The following SUMO2 variants were observed in gnomAD, a reference collection of about 807,000 sequenced individuals.
SUMO2 encodes small ubiquitin-related modifier 2.
Under a neutral mutation model 16.0 loss-of-function variants are expected in SUMO2, and 1 was observed. The ratio of observed to expected loss-of-function variants is 0.06; its 90% confidence interval spans 0.02 to 0.30. SUMO2 has a LOEUF of 0.30. SUMO2 is among the 10% of genes least tolerant of loss of function. SUMO2 has a pLI of 1.00. For missense variants in SUMO2, 16 were observed against 117.5 expected (o/e 0.14, Z 3.99); for synonymous variants, 36 against 40.6 (o/e 0.89, Z 0.43).
chr17:75,174,840 A>G lies in SUMO2; in HGVS notation c.154-17T>C, dbSNP rs1002788021. The G allele has an allele frequency of 6.2e-7, 1 of 1,610,088 alleles. No individual in the cohort carries two copies. The highest frequency in any genetic ancestry group is 8.5e-7 in the Non-Finnish European group (1 of 1,178,040). On this transcript the variant is annotated splice_polypyrimidine_tract_variant and intron_variant, in intron 2 of 3. Coordinates refer to ENST00000420826, the MANE Select transcript of SUMO2 (RefSeq NM_006937.4). ...TGACAATCCCTGAACGAGAATTTAA[A>G]AGCAATAAACAGCATTAAGAGAAAC...
intron 3 of SUMO2, among the ~76,000 whole-genome samples, chr17:75,174,434 C>T (rs1216891758): frequency 6.7e-6 from 1 of 149,814 alleles, no homozygotes; most frequent in Non-Finnish European, 1.5e-5. Context: ...CACATTGATT[C>T]GTGCCTATAA....
At chr17:75,174,456 T>G (rs1232047315) in intron 3 of SUMO2, among the ~76,000 whole-genome samples, 3 of 152,170 alleles carry the variant, frequency 2.0e-5, no homozygotes, top group African/African-American at 7.2e-5. Context: ...CCCATCACTT[T>G]GGGAGGCCAA....
intron 2 of SUMO2, among the ~76,000 whole-genome samples, chr17:75,177,544 T>C (rs2074791992): frequency 6.6e-6 from 1 of 151,816 alleles, no homozygotes; most frequent in Non-Finnish European, 1.5e-5. Context: ...TAGCCAGGCG[T>C]GGTGGTGCAT....
At chr17:75,179,702 C>A (rs1412767029) in intron 2 of SUMO2, among the ~76,000 whole-genome samples, 4 of 151,474 alleles carry the variant, frequency 2.6e-5, no homozygotes, top group Non-Finnish European at 4.4e-5. Context: ...CTCTGTCACC[C>A]AGGCTAGAGT....
In SUMO2 at chr17:75,175,343, CAG is replaced by C. The variant is rs1310977033; in HGVS notation, c.154-522_154-521del. 2.7e-5 allele frequency among the ~76,000 whole-genome samples: 4 copies of C among 150,530 alleles called. No homozygotes were observed. The East Asian group carries it at 5.9e-4, about 22-fold the overall frequency. On this transcript the variant is annotated intron_variant, in intron 2 of 3. Transcript: ENST00000420826. ...TTTTCCTTTTCTTTTTTTTTTGAGA[CAG>C]AGTCTTGCTCTGTCACTCAGGCTGG...
intron 1 of SUMO2, among the ~76,000 whole-genome samples, chr17:75,182,193 C>T (rs1422753683): frequency 6.6e-6 from 1 of 152,194 alleles, no homozygotes; most frequent in Non-Finnish European, 1.5e-5. Context: ...GCCGCTGCCC[C>T]TCCCCCTTCG....
At position 75,168,131 on chromosome 17, in the gene SUMO2, T is replaced by TA. The variant is rs34641551; in HGVS notation, c.*207dup. The TA allele has an allele frequency of 0.23, 84,616 of 364,556 alleles. 5,786 individuals are homozygous for TA. Among genetic ancestry groups the TA allele is most frequent in the East Asian group, 0.45 (10,316 of 22,954 alleles). The allele number at this position is 364,556 out of a possible 1,614,324, so 22.6% of individuals were successfully genotyped here. ...CAAAACATACCATTGGCTGTTTAGT[T>TA]AAAAAAAAAAAAAATGCAATATGCT... On this transcript the variant is annotated 3_prime_UTR_variant, in exon 4 of 4. Transcript: ENST00000420826.
intron 2 of SUMO2, among the ~76,000 whole-genome samples, chr17:75,177,945 T>C (rs1186244292): frequency 1.5e-5 from 2 of 135,032 alleles, no homozygotes; most frequent in South Asian, 2.4e-4. Context: ...GCCGAGATTA[T>C]GTCACTACAC....
At chr17:75,169,422 C>T (rs1272892622) in intron 3 of SUMO2, among the ~76,000 whole-genome samples, 8 of 149,904 alleles carry the variant, frequency 5.3e-5, no homozygotes, top group Non-Finnish European at 7.4e-5. Context: ...CTCCCTGTGT[C>T]GCCCAGGCTG....
intron 2 of SUMO2, 137 bp downstream of exon 2, chr17:75,180,917 CACG>C: frequency 3.3e-6 from 3 of 907,564 alleles, no homozygotes; most frequent in Non-Finnish European, 5.0e-6. Flanking sequence ...ATACCAAGTG[CACG>C]ACAAAACTGA....
Position 75,166,597 on chromosome 17 carries a change from T to C in SUMO2, c.*1742A>G, listed in dbSNP as rs2074694876. ...TAAGATCAGGGGTTTGAGCCCGGCC[T>C]GGACAATATGGCGAAACACTCTCTA... On this transcript the variant is annotated 3_prime_UTR_variant, in exon 4 of 4. Transcript: ENST00000420826. The C allele has an allele frequency of 6.6e-6, 1 of 152,222 alleles. No homozygotes were observed. The highest frequency in any genetic ancestry group is 6.5e-5 in the Admixed American group (1 of 15,270). 9.4% of individuals were successfully genotyped at this position (152,222 alleles called of 1,614,324 possible). A position where few individuals can be genotyped will look rare whatever the true frequency, so the allele number is the denominator to read the frequency against.
At chr17:75,168,751 C>T (rs535072674) in intron 3 of SUMO2, among the ~76,000 whole-genome samples, 1 of 152,094 alleles carries the variant, frequency 6.6e-6, no homozygotes, top group East Asian at 1.9e-4. Flanking sequence ...TACAGGCATC[C>T]GCCACCATGC....
At chr17:75,176,776 T>C (rs372175260) in intron 2 of SUMO2, among the ~76,000 whole-genome samples, 15 of 152,176 alleles carry the variant, frequency 9.9e-5, no homozygotes, top group African/African-American at 3.6e-4. Flanking sequence ...CTTCAGGAGA[T>C]ATAGGAACCT....
chr17:75,180,919 C>A (rs1329021894), intron 2 of SUMO2, 138 bp downstream of exon 2: 1 of 962,926 alleles, frequency 1.0e-6, no homozygotes, highest in East Asian at 2.6e-5. Flanking sequence ...ACCAAGTGCA[C>A]GACAAAACTG....
rs960142645 is a variant in SUMO2, at chr17:75,167,353, T to C, written c.*986A>G. 6.6e-6 allele frequency: 1 copy of C among 152,044 alleles called. No homozygotes were observed. Among genetic ancestry groups the C allele is most frequent in the Non-Finnish European group, 1.5e-5 (1 of 68,030 alleles). 9.4% of individuals were successfully genotyped at this position (152,044 alleles called of 1,614,324 possible). Reference sequence around the variant, plus strand: ...TTTTAGGTTAGGGAGTATTTACTTATGATAAGTGCAGGCTAGAATGGTTCA... The same window carrying C: ...TTTTAGGTTAGGGAGTATTTACTTACGATAAGTGCAGGCTAGAATGGTTCA... On this transcript the variant is annotated 3_prime_UTR_variant, in exon 4 of 4. Coordinates refer to ENST00000420826, the MANE Select transcript of SUMO2 (RefSeq NM_006937.4).
In SUMO2 at chr17:75,182,958, A is replaced by AGGGT; in HGVS notation, c.-125_-124insACCC. ...AGGCGGCAGCGGTGGACGAGGGGAG[A>AGGGT]GGGTGCGCGCACGTCGTGCGCTCCC... On this transcript the variant is annotated 5_prime_UTR_variant, in exon 1 of 4. Coordinates refer to ENST00000420826, the MANE Select transcript of SUMO2 (RefSeq NM_006937.4). 1.2e-6 allele frequency: 1 copy of AGGGT among 833,966 alleles called. No homozygotes were observed. The allele number at this position is 833,966 out of a possible 1,614,324, so 51.7% of individuals were successfully genotyped here. A position where few individuals can be genotyped will look rare whatever the true frequency, so the allele number is the denominator to read the frequency against.
At chr17:75,180,297 G>A (rs956423860) in intron 2 of SUMO2, among the ~76,000 whole-genome samples, 2 of 146,480 alleles carry the variant, frequency 1.4e-5, no homozygotes, top group East Asian at 2.0e-4. Flanking sequence ...CTGGGCAACA[G>A]AGCAAGACTC....
intron 2 of SUMO2, among the ~76,000 whole-genome samples, chr17:75,175,338 T>C (rs1341655514): frequency 1.3e-5 from 2 of 151,934 alleles, no homozygotes; most frequent in East Asian, 3.8e-4. Flanking sequence ...CTTTTTTTTT[T>C]GAGACAGAGT....
chr17:75,172,601 C>T (rs2074750323), intron 3 of SUMO2, among the ~76,000 whole-genome samples: 1 of 151,510 alleles, frequency 6.6e-6, no homozygotes, highest in South Asian at 2.1e-4. Flanking sequence ...CCTGCCTCAG[C>T]CTCCCGAGCA....
Sources: allele counts gnomAD v4.1 joint callset (sites outside exome capture counted in the v4.1 genomes callset), GRCh38; gene constraint gnomAD v4.1.1; transcripts MANE v1.5; gene names NCBI Gene and HGNC (gene_info 2026-07-23, HGNC 2026-07-21).